The following AFG2A variants were observed in gnomAD, a reference collection of about 807,000 sequenced individuals.
The protein encoded by AFG2A is AAA ATPase AFG2A.
the AFG2A span, among the ~76,000 whole-genome samples, chr4:123,115,523 A>G: frequency 6.6e-6 from 1 of 151,926 alleles, no homozygotes; most frequent in Non-Finnish European, 1.5e-5. Flanking sequence ...CTCTGTGCGC[A>G]ACTGCAGCAC....
At chr4:123,046,113 G>A in the AFG2A span, among the ~76,000 whole-genome samples, 58 of 151,342 alleles carry the variant, frequency 3.8e-4, 2 homozygotes, top group South Asian at 2.1e-4. Flanking sequence ...AAAAAAGAAA[G>A]AAAGAAAAAG....
At chr4:123,301,675 C>T in the AFG2A span, among the ~76,000 whole-genome samples, 157 of 152,306 alleles carry the variant, frequency 1.0e-3, no homozygotes, top group African/African-American at 3.7e-3. Flanking sequence ...ATTGGTTACT[C>T]ACAAGGACCT....
chr4:123,039,652 G>A, the AFG2A span, among the ~76,000 whole-genome samples: 9 of 151,590 alleles, frequency 5.9e-5, no homozygotes, highest in South Asian at 2.1e-4. Context: ...TACTACAATC[G>A]TTTTTACAGC....
At chr4:123,173,355 T>G in the AFG2A span, among the ~76,000 whole-genome samples, 569 of 119,458 alleles carry the variant, frequency 4.8e-3, 15 homozygotes, top group African/African-American at 0.016. Flanking sequence ...TTTTTTTTTT[T>G]TTTTTTTTTT....
At chr4:122,944,096 A>G in the AFG2A span, among the ~76,000 whole-genome samples, 2 of 152,174 alleles carry the variant, frequency 1.3e-5, no homozygotes. Flanking sequence ...ACTTTGGTGA[A>G]TCTGACAATT....
At chr4:123,290,587 CA>C in the AFG2A span, among the ~76,000 whole-genome samples, 2 of 152,204 alleles carry the variant, frequency 1.3e-5, no homozygotes, top group African/African-American at 4.8e-5. Context: ...ATTGGACCCA[CA>C]GTTCCATGTG....
the AFG2A span, among the ~76,000 whole-genome samples, chr4:122,974,829 G>A: frequency 2.6e-5 from 4 of 151,948 alleles, no homozygotes; most frequent in South Asian, 2.1e-4. Context: ...TAGTAGAGAC[G>A]TGGTTTCTCC....
the AFG2A span, among the ~76,000 whole-genome samples, chr4:123,303,849 AGT>A: frequency 6.6e-6 from 1 of 151,000 alleles, no homozygotes; most frequent in Admixed American, 6.6e-5. Flanking sequence ...TTAAGCTTTG[AGT>A]GTGTCTTTAC....
the AFG2A span, among the ~76,000 whole-genome samples, chr4:123,211,531 A>G: frequency 6.6e-6 from 1 of 152,192 alleles, no homozygotes; most frequent in African/African-American, 2.4e-5. Flanking sequence ...CTGTCACAAC[A>G]TACAAGCTGG....
the AFG2A span, among the ~76,000 whole-genome samples, chr4:123,114,471 C>T: frequency 6.6e-6 from 1 of 152,236 alleles, no homozygotes; most frequent in African/African-American, 2.4e-5. Flanking sequence ...TCCTACTTGG[C>T]ATCCATAGTC....
At chr4:123,206,111 C>G in the AFG2A span, among the ~76,000 whole-genome samples, 2 of 152,094 alleles carry the variant, frequency 1.3e-5, no homozygotes, top group African/African-American at 4.8e-5. Flanking sequence ...GGAACCATTG[C>G]TAGGTTGATA....
chr4:123,224,966 G>C, the AFG2A span, among the ~76,000 whole-genome samples: 2 of 152,208 alleles, frequency 1.3e-5, no homozygotes, highest in African/African-American at 4.8e-5. Flanking sequence ...GGCCAGTGAT[G>C]ATGACCATTT....
At chr4:123,081,548 G>A in the AFG2A span, among the ~76,000 whole-genome samples, 3 of 152,118 alleles carry the variant, frequency 2.0e-5, no homozygotes, top group African/African-American at 7.2e-5. Context: ...AGGACATCTT[G>A]GTTGCTTCCA....
the AFG2A span, among the ~76,000 whole-genome samples, chr4:123,235,689 CAT>C: frequency 5.9e-5 from 9 of 152,142 alleles, no homozygotes; most frequent in African/African-American, 2.2e-4. Flanking sequence ...TTTCAGTACT[CAT>C]ATTTGGACTT....
At chr4:123,187,115 G>C in the AFG2A span, among the ~76,000 whole-genome samples, 1 of 152,094 alleles carries the variant, frequency 6.6e-6, no homozygotes, top group African/African-American at 2.4e-5. Context: ...TTGTAAATAA[G>C]ATAGGTAGCA....
the AFG2A span, among the ~76,000 whole-genome samples, chr4:123,140,002 T>C: frequency 1.3e-5 from 2 of 152,070 alleles, no homozygotes; most frequent in East Asian, 1.9e-4. Flanking sequence ...TATCAACAGA[T>C]AGGTCACTGA....
chr4:123,005,193 C>G, the AFG2A span, among the ~76,000 whole-genome samples: 1 of 152,024 alleles, frequency 6.6e-6, no homozygotes, highest in African/African-American at 2.4e-5. Flanking sequence ...CTCTGTTGGC[C>G]AGGCTGGAGT....
At chr4:122,954,417 C>T in the AFG2A span, among the ~76,000 whole-genome samples, 1 of 152,330 alleles carries the variant, frequency 6.6e-6, no homozygotes, top group Non-Finnish European at 1.5e-5. Context: ...GGTCTACTCC[C>T]TGCAGGCACC....
At chr4:122,988,986 T>C in the AFG2A span, among the ~76,000 whole-genome samples, 1 of 152,338 alleles carries the variant, frequency 6.6e-6, no homozygotes, top group East Asian at 1.9e-4. Context: ...ATACTCTCTA[T>C]CTCTTTCTTG....
Sources: gnomAD v4.1 joint callset for allele counts (sites outside exome capture counted in the v4.1 genomes callset) on GRCh38, gnomAD v4.1.1 for gene constraint, MANE v1.5 for transcripts, NCBI Gene and HGNC (gene_info 2026-07-23, HGNC 2026-07-21) for gene names.